The following ENPP3 variants were observed in gnomAD, a reference collection of about 807,000 sequenced individuals.
The protein encoded by ENPP3 is ectonucleotide pyrophosphatase/phosphodiesterase 3, also known as ectonucleotide pyrophosphatase/phosphodiesterase family member 3.
ENPP3 carries 104 observed loss-of-function variants against 117.8 expected under a neutral mutation model. The ratio of observed to expected loss-of-function variants is 0.88; its 90% CI spans 0.75 to 1.04. The LOEUF is 1.04. Among genes scored for constraint, ENPP3 ranks in the 50% least tolerant of loss-of-function variants. ENPP3 has a pLI of 0.00. For synonymous variants in ENPP3, 380 were observed against 349.9 expected (o/e 1.09, Z -0.96); for missense variants, 1,026 against 1,051.9 (o/e 0.98, Z 0.34).
Position 131,658,841 on chromosome 6 carries a change from C to T in ENPP3, c.562+421C>T, listed in dbSNP as rs930071301. ...CCACCACTTCAGCCGATATCAAGTC[C>T]AGGATCTATTTCCAGTTCTGGAATC... On this transcript the variant is annotated intron_variant, in intron 6 of 24. Transcript: ENST00000357639. Among the ~76,000 whole-genome samples, 4 of 152,168 alleles carry T rather than the reference C, an allele frequency of 2.6e-5. No individual in the cohort carries two copies. In the South Asian group the frequency reaches 6.2e-4, roughly 24 times the overall value.
At chr6:131,728,399 T>C (rs889907011) in intron 20 of ENPP3, among the ~76,000 whole-genome samples, 2 of 152,204 alleles carry the variant, frequency 1.3e-5, no homozygotes, top group Non-Finnish European at 2.9e-5. Context: ...CTAAGTGGGC[T>C]CAGACTAGGA....
chr6:131,716,407 A>G (rs1332063585), intron 15 of ENPP3, among the ~76,000 whole-genome samples: 1 of 152,134 alleles, frequency 6.6e-6, no homozygotes, highest in Non-Finnish European at 1.5e-5. Flanking sequence ...TGCAATATTT[A>G]CTATAGTTTT....
At chr6:131,739,710 C>T (rs934527066) in intron 23 of ENPP3, among the ~76,000 whole-genome samples, 1 of 148,922 alleles carries the variant, frequency 6.7e-6, no homozygotes. Context: ...TATGTAAGAC[C>T]TTGTGCTTTT....
Position 131,693,514 on chromosome 6 carries a change from G to T in ENPP3, c.1302G>T (p.Gln434His). 1 of 1,612,418 alleles carries T rather than the reference G, an allele frequency of 6.2e-7. No homozygotes were observed. Among genetic ancestry groups the T allele is most frequent in the South Asian group, 1.1e-5 (1 of 90,660 alleles). The change falls in exon 15 of 25, where the codon CAG (glutamine) becomes CAT (histidine). Residue 434 changes from glutamine to histidine, a missense_variant. Gln to His is a conservative substitution (Grantham distance 24). Coordinates refer to ENST00000357639, the MANE Select transcript of ENPP3 (RefSeq NM_005021.5). ...CTTTTCAGTGCCGAAAACCTGATCAGCATTTCAAGCCCTATTTGACTCCTG... is the reference window on the plus strand; with the variant it reads ...CTTTTCAGTGCCGAAAACCTGATCATCATTTCAAGCCCTATTTGACTCCTG... ...VRNLSCRKPD[Q>H]HFKPYLTPDL...
chr6:131,681,169 G>A (rs941019516), intron 11 of ENPP3, among the ~76,000 whole-genome samples: 1 of 152,192 alleles, frequency 6.6e-6, no homozygotes, highest in African/African-American at 2.4e-5. Flanking sequence ...GGCCAGGAAA[G>A]CATCTTGGAG....
At chr6:131,654,120 T>C (rs1585622241) in intron 5 of ENPP3, among the ~76,000 whole-genome samples, 1 of 148,094 alleles carries the variant, frequency 6.8e-6, no homozygotes, top group African/African-American at 2.5e-5. Flanking sequence ...TTATTATTAT[T>C]ATTATTATTA....
At chr6:131,652,941 C>T (rs888441359) in intron 5 of ENPP3, 50 bp downstream of exon 5, 3 of 1,257,362 alleles carry the variant, frequency 2.4e-6, no homozygotes, top group South Asian at 1.2e-5. Context: ...CAAAGGTGCA[C>T]ATAAGAATGT....
chr6:131,731,873 G>T (rs545705794), intron 20 of ENPP3, among the ~76,000 whole-genome samples: 1 of 152,194 alleles, frequency 6.6e-6, no homozygotes, highest in Non-Finnish European at 1.5e-5. Context: ...TTAGAAGGGA[G>T]CAAGATAAAT....
At chr6:131,665,478 A>G (rs757436499) in intron 6 of ENPP3, among the ~76,000 whole-genome samples, 1 of 152,052 alleles carries the variant, frequency 6.6e-6, no homozygotes, top group Non-Finnish European at 1.5e-5. Context: ...GGTACATTGT[A>G]TGTTTCTATG....
At chr6:131,676,685 TA>T in intron 9 of ENPP3, 50 bp from the exon 10 acceptor site, 1 of 1,205,404 alleles carries the variant, frequency 8.3e-7, no homozygotes. Flanking sequence ...GTAATGGAGT[TA>T]TTCTTGATTT....
chr6:131,733,598 C>T lies in ENPP3; in HGVS notation c.1964C>T (p.Ser655Leu), dbSNP rs200877330. The stretch of plus-strand genomic sequence containing the variant: ...TCTCTCTTTGAACAGGGAGACACAT[C>T]GCCTCTGCCTCCCACTGTCCCAGAC... ...SYTVPQLGDT[S>L]PLPPTVPDCL... The change falls in exon 21 of 25, where the codon TCG becomes TTG. Residue 655 changes from serine (S) to leucine (L), a missense_variant. Ser to Leu is a moderately radical substitution (Grantham distance 145). Transcript: ENST00000357639. 1.5e-4 allele frequency: 235 copies of T among 1,612,558 alleles called. No individual in the cohort carries two copies. The highest frequency in any genetic ancestry group is 8.0e-4 in the East Asian group (36 of 44,864).
rs1344836340 is a variant in ENPP3 at position 131,676,624 on chromosome 6, A to G, written c.873-112A>G. On this transcript the variant is annotated intron_variant, in intron 9 of 24. Coordinates refer to ENST00000357639, the MANE Select transcript of ENPP3 (RefSeq NM_005021.5). ...GAATACCTTCCAGTATTGTGATTAT[A>G]TAGGAACACAAAATGGGTAGCTGAA... 5.7e-6 allele frequency: 4 copies of G among 707,404 alleles called. No homozygotes were observed. The Middle Eastern group carries it at 9.1e-4, about 161-fold the overall frequency. The allele number at this position is 707,404 out of a possible 1,614,324, so 43.8% of individuals were successfully genotyped here. A position where few individuals can be genotyped will look rare whatever the true frequency, so the allele number is the denominator to read the frequency against.
chr6:131,671,832 G>T (rs1483737520), intron 7 of ENPP3, among the ~76,000 whole-genome samples: 1 of 152,162 alleles, frequency 6.6e-6, no homozygotes, highest in Non-Finnish European at 1.5e-5. Flanking sequence ...TGTGAAAAGT[G>T]TATAAAAAGA....
intron 6 of ENPP3, among the ~76,000 whole-genome samples, chr6:131,659,856 C>T (rs1778461549): frequency 6.6e-6 from 1 of 152,248 alleles, no homozygotes; most frequent in Admixed American, 6.5e-5. Context: ...AATCTGGTGT[C>T]AAAAGGGAAT....
chr6:131,637,460 A>G lies in ENPP3; in HGVS notation c.76A>G (p.Ile26Val), dbSNP rs762928379. The change falls in exon 1 of 25, where the codon ATT becomes GTT. Residue 26 changes from isoleucine (I) to valine (V), a missense_variant and splice_region_variant. Ile to Val is a conservative substitution (Grantham distance 29). Coordinates refer to ENST00000357639, the MANE Select transcript of ENPP3 (RefSeq NM_005021.5). ...TCTTAAGAAATATAAAATAGCTTGC[A>G]TTGTAAGTACAATTCTTATTTTTAG... is the stretch of plus-strand genomic sequence containing the variant. ...NTLKKYKIAC[I>V]VLLALLVIMS... 5 of 1,530,952 alleles carry G rather than the reference A, an allele frequency of 3.3e-6. No individual in the cohort carries two copies. The highest frequency in any genetic ancestry group is 3.6e-6 in the Non-Finnish European group (4 of 1,116,652). The allele number at this position is 1,530,952 out of a possible 1,614,324, so 94.8% of individuals were successfully genotyped here.
intron 15 of ENPP3, among the ~76,000 whole-genome samples, chr6:131,696,808 C>T (rs567458076): frequency 4.2e-5 from 6 of 144,482 alleles, no homozygotes; most frequent in Non-Finnish European, 7.5e-5. Context: ...CTCGCTCTGT[C>T]GCCCAGGCTG....
At chr6:131,687,527 G>A (rs1243037225) in intron 14 of ENPP3, among the ~76,000 whole-genome samples, 2 of 152,134 alleles carry the variant, frequency 1.3e-5, no homozygotes, top group Non-Finnish European at 2.9e-5. Context: ...ATTAAACTAA[G>A]AGCTTCTGTA....
rs533118734 is a variant in ENPP3 at position 131,726,503 on chromosome 6, T to C, written c.1953+303T>C. On this transcript the variant is annotated intron_variant, in intron 20 of 24. Coordinates refer to ENST00000357639, the MANE Select transcript of ENPP3 (RefSeq NM_005021.5). ...AGCAACAGGAAGTACAGAGGAATAC[T>C]ATTCATTTAAGATTCCCCATGTACA... Among the ~76,000 whole-genome samples the C allele has an allele frequency of 2.9e-4, 44 of 152,338 alleles. 1 individual carries two copies. In the South Asian group the frequency reaches 8.9e-3, roughly 31 times the overall value.
chr6:131,658,405 A>C lies in ENPP3; in HGVS notation c.547A>C (p.Asn183His). ...YLYTWDTLMP[N>H]INKLKTCGIH... ...ATACACATGGGATACTTTAATGCCA[A>C]ATATCAATAAACTGAGTAAGTCTTC... The change falls in exon 6 of 25, where the codon AAT becomes CAT. Residue 183 changes from asparagine to histidine, a missense_variant. Transcript: ENST00000357639. The C allele has an allele frequency of 6.5e-7, 1 of 1,542,926 alleles. No homozygotes were observed. Among genetic ancestry groups the C allele is most frequent in the Non-Finnish European group, 9.0e-7 (1 of 1,115,512 alleles).
Sources: gnomAD v4.1 joint callset for allele counts (sites outside exome capture counted in the v4.1 genomes callset) on GRCh38, gnomAD v4.1.1 for gene constraint, MANE v1.5 for transcripts, NCBI Gene and HGNC (gene_info 2026-07-23, HGNC 2026-07-21) for gene names.